The following CALD1 variants were observed in gnomAD, a reference collection of about 807,000 sequenced individuals.
The protein encoded by CALD1 is caldesmon 1, also known as caldesmon.
CALD1 carries 33 observed loss-of-function variants against 99.9 expected under a neutral mutation model. The ratio of observed to expected loss-of-function variants is 0.33; its 90% confidence interval spans 0.25 to 0.44. CALD1 has a LOEUF of 0.44. Ranked by LOEUF, CALD1 falls within the 20% of genes least tolerant of loss-of-function variation. The probability of loss-of-function intolerance (pLI) is 1.00; values close to 1 mark genes in which losing one functional copy is unlikely to be tolerated. For synonymous variants in CALD1, 310 were observed against 325.0 expected (o/e 0.95, Z 0.50); for missense variants, 861 against 962.1 (o/e 0.89, Z 1.39).
the CALD1 span, among the ~76,000 whole-genome samples, chr7:134,722,485 A>G: frequency 6.6e-6 from 1 of 152,132 alleles, no homozygotes; most frequent in East Asian, 1.9e-4. Context: ...CAGTGGCACA[A>G]TCTCAGCTCA....
At chr7:134,718,276 G>GACA in the CALD1 span, among the ~76,000 whole-genome samples, 2 of 152,276 alleles carry the variant, frequency 1.3e-5, no homozygotes, top group African/African-American at 4.8e-5. Context: ...TAAGCTTGAT[G>GACA]TCATAAGCAC....
chr7:134,773,782 CTGTGTGTGTGTG>C lies in CALD1; in HGVS notation c.-130+29453_-130+29464del, dbSNP rs36104737. On this transcript the variant is annotated intron_variant, in intron 1 of 13. Coordinates refer to the CALD1 transcript ENST00000417172. ...TTCCATTTCCTACCCAACCTCTCTT[CTGTGTGTGTGTG>C]TGTGTGTGTGTGTGTGTGTGTGTGT... 2.0e-3 allele frequency among the ~76,000 whole-genome samples: 281 copies of C among 138,742 alleles called. 1 individual carries two copies. Among genetic ancestry groups the C allele is most frequent in the African/African-American group, 7.0e-3 (262 of 37,510 alleles). The allele number at this position is 138,742 out of a possible 152,430, so 91.0% of individuals were successfully genotyped here.
chr7:134,742,261 A>C (rs910483477), upstream of CALD1, among the ~76,000 whole-genome samples: 2 of 152,248 alleles, frequency 1.3e-5, no homozygotes, highest in African/African-American at 2.4e-5. Flanking sequence ...GGCTATGTGA[A>C]AAAACTCAAA....
At chr7:134,909,620 T>C (rs1803650224) in intron 3 of CALD1, among the ~76,000 whole-genome samples, 1 of 152,220 alleles carries the variant, frequency 6.6e-6, no homozygotes, top group Non-Finnish European at 1.5e-5. Flanking sequence ...GAGGTGGAAA[T>C]TGCAGTGAGC....
intron 1 of CALD1, among the ~76,000 whole-genome samples, chr7:134,797,619 A>G (rs6976764): frequency 0.01 from 1,582 of 152,228 alleles, 28 homozygotes; most frequent in African/African-American, 0.035. Context: ...TTTGAGACGG[A>G]GTCTTGCTCT....
At position 134,766,141 on chromosome 7, in the gene CALD1, CTTTTTTTT is replaced by C. The variant is rs71172475; in HGVS notation, c.-130+21799_-130+21806del. On this transcript the variant is annotated intron_variant, in intron 1 of 13. Coordinates refer to the CALD1 transcript ENST00000417172. ...GAGCCCCTTAAACCTCTTTTCTTTT[CTTTTTTTT>C]TTTTTTTTTTTTTTTTTTTTGAGAG... 5.4e-3 allele frequency among the ~76,000 whole-genome samples: 385 copies of C among 70,820 alleles called. 2 individuals are homozygous for C. The highest frequency in any genetic ancestry group is 0.021 in the African/African-American group (357 of 17,390). The allele number at this position is 70,820 out of a possible 152,430, so 46.5% of individuals were successfully genotyped here.
At chr7:134,831,382 C>T (rs183811793) in intron 1 of CALD1, among the ~76,000 whole-genome samples, 1 of 152,082 alleles carries the variant, frequency 6.6e-6, no homozygotes, top group Non-Finnish European at 1.5e-5. Flanking sequence ...TGCAGTGGCG[C>T]GATCTCGGCT....
At chr7:134,895,801 G>T (rs1802532266) in intron 3 of CALD1, among the ~76,000 whole-genome samples, 1 of 152,170 alleles carries the variant, frequency 6.6e-6, no homozygotes, top group Non-Finnish European at 1.5e-5. Context: ...AGTATGTTCA[G>T]CTTTCTTATT....
At chr7:134,741,601 G>A (rs1376307045), upstream of CALD1, among the ~76,000 whole-genome samples, 1 of 152,106 alleles carries the variant, frequency 6.6e-6, no homozygotes, top group Non-Finnish European at 1.5e-5. Flanking sequence ...TCCCTGTACA[G>A]GGAGTTGCTT....
chr7:134,751,965 T>C (rs1275393293), intron 1 of CALD1, among the ~76,000 whole-genome samples: 1 of 152,050 alleles, frequency 6.6e-6, no homozygotes, highest in Non-Finnish European at 1.5e-5. Context: ...GACAGAGTGA[T>C]ACCTGTTTCA....
intron 1 of CALD1, among the ~76,000 whole-genome samples, chr7:134,815,834 A>G (rs1563020712): frequency 6.6e-6 from 1 of 152,232 alleles, no homozygotes; most frequent in Non-Finnish European, 1.5e-5. Flanking sequence ...CAATTATCAA[A>G]TAAAACATTT....
the CALD1 span, among the ~76,000 whole-genome samples, chr7:134,711,680 A>ATATATATATG: frequency 1.9e-4 from 21 of 109,580 alleles, no homozygotes; most frequent in African/African-American, 7.8e-4. Context: ...ATATATATAT[A>ATATATATATG]TGTGTGTGTG....
At chr7:134,912,046 A>G (rs1803853498) in intron 3 of CALD1, among the ~76,000 whole-genome samples, 1 of 152,226 alleles carries the variant, frequency 6.6e-6, no homozygotes, top group Non-Finnish European at 1.5e-5. Context: ...AGAGAAGGAA[A>G]GAACCACTTA....
chr7:134,759,179 A>G (rs918333518), intron 1 of CALD1, among the ~76,000 whole-genome samples: 1 of 152,260 alleles, frequency 6.6e-6, no homozygotes, highest in Non-Finnish European at 1.5e-5. Context: ...ACTAGAGTCT[A>G]GAATATACTA....
chr7:134,752,529 A>C (rs1384951697), intron 1 of CALD1, among the ~76,000 whole-genome samples: 1 of 152,152 alleles, frequency 6.6e-6, no homozygotes, highest in East Asian at 1.9e-4. Context: ...AGGCATTATG[A>C]GTGGGGAATT....
At chr7:134,871,130 G>T (rs571667072) in intron 3 of CALD1, among the ~76,000 whole-genome samples, 2 of 152,140 alleles carry the variant, frequency 1.3e-5, no homozygotes, top group Middle Eastern at 3.4e-3. Context: ...TGGGGTATTG[G>T]TGGTCACTTT....
At chr7:134,838,862 G>A (rs1378490197) in intron 1 of CALD1, among the ~76,000 whole-genome samples, 3 of 152,080 alleles carry the variant, frequency 2.0e-5, no homozygotes, top group Non-Finnish European at 4.4e-5. Flanking sequence ...TAAATTCCCT[G>A]GAGTTGTCAT....
At chr7:134,798,244 C>G (rs1017099018) in intron 1 of CALD1, among the ~76,000 whole-genome samples, 3 of 152,220 alleles carry the variant, frequency 2.0e-5, no homozygotes, top group African/African-American at 4.8e-5. Context: ...GCTTACTGGA[C>G]TGACAATCTC....
intron 1 of CALD1, among the ~76,000 whole-genome samples, chr7:134,825,269 C>A (rs1798943716): frequency 6.6e-6 from 1 of 152,090 alleles, no homozygotes; most frequent in Non-Finnish European, 1.5e-5. Flanking sequence ...CAGATGGAGT[C>A]ATACATTTGG....
Sources: gnomAD v4.1 joint callset for allele counts (sites outside exome capture counted in the v4.1 genomes callset) on GRCh38, gnomAD v4.1.1 for gene constraint, MANE v1.5 for transcripts, NCBI Gene and HGNC (gene_info 2026-07-23, HGNC 2026-07-21) for gene names.